TDRD12: variants seen among roughly 807,000 people sequenced by gnomAD.
TDRD12 encodes the protein tudor domain containing 12, also known as putative ATP-dependent RNA helicase TDRD12.
A neutral mutation model predicts 133.5 loss-of-function variants in TDRD12; 158 were observed. That is an observed-to-expected ratio of 1.18 (90% CI 1.04 to 1.35). The LOEUF (loss-of-function observed/expected upper bound fraction) is 1.35, where lower values mean the gene tolerates loss of function less well. Among genes scored for constraint, TDRD12 ranks in the 40% most tolerant of loss-of-function variants. The pLI is 0.00. For synonymous variants in TDRD12, 460 were observed against 477.9 expected (o/e 0.96, Z 0.49); for missense variants, 1,443 against 1,321.3 (o/e 1.09, Z -1.43).
intron 11 of TDRD12, among the ~76,000 whole-genome samples, chr19:32,785,532 G>A (rs1408214181): frequency 4.6e-5 from 7 of 152,184 alleles, no homozygotes; most frequent in Non-Finnish European, 8.8e-5. Flanking sequence ...TTTCTGTCTC[G>A]TTGATCTGTC....
At chr19:32,793,982 C>T (rs1169050585) in intron 13 of TDRD12, among the ~76,000 whole-genome samples, 4 of 149,762 alleles carry the variant, frequency 2.7e-5, no homozygotes, top group Non-Finnish European at 5.9e-5. Flanking sequence ...TTAGTAGAGA[C>T]GGGGTTTCTG....
intron 8 of TDRD12, among the ~76,000 whole-genome samples, chr19:32,761,239 C>T (rs1242379716): frequency 6.6e-6 from 1 of 152,206 alleles, no homozygotes; most frequent in Non-Finnish European, 1.5e-5. Context: ...CCTCAGCCTC[C>T]CAAGTAGCTG....
At chr19:32,739,099 A>G (rs887916775) in intron 3 of TDRD12, 107 bp downstream of exon 3, 2 of 1,336,374 alleles carry the variant, frequency 1.5e-6, no homozygotes, top group Non-Finnish European at 2.0e-6. Context: ...ACACTGAGAA[A>G]AGACAAAACT....
exon 3 of TDRD12, chr19:32,738,982 A>G: frequency 1.3e-6 from 2 of 1,550,544 alleles, no homozygotes; most frequent in Non-Finnish European, 1.7e-6. Context: ...CATTCCAGTC[A>G]AATCTAAAAA....
chr19:32,790,770 TC>T lies in TDRD12; in HGVS notation c.1182+181del, dbSNP rs1414195257. On this transcript the variant is annotated intron_variant, in intron 12 of 27. Coordinates refer to ENST00000444215, the Ensembl canonical transcript of TDRD12. ...TGGATTGTTGCTTCTGAGAAATTGT[TC>T]CTTGTTTTTTGGATAATAAACGATC... The T allele has an allele frequency of 6.6e-6, 10 of 1,508,866 alleles. No individual in the cohort carries two copies. In the African/African-American group the frequency reaches 7.1e-5, roughly 11 times the overall value. The allele number at this position is 1,508,866 out of a possible 1,614,324, so 93.5% of individuals were successfully genotyped here.
chr19:32,821,727 A>C (rs73580048), downstream of TDRD12, among the ~76,000 whole-genome samples: 1,071 of 152,278 alleles, frequency 7.0e-3, 19 homozygotes, highest in African/African-American at 0.025. Context: ...TGTGTGTGAA[A>C]TTAATCTGTA....
chr19:32,789,622 ATATTC>A (rs1430066525), intron 11 of TDRD12, among the ~76,000 whole-genome samples: 19 of 152,314 alleles, frequency 1.2e-4, no homozygotes, highest in African/African-American at 4.6e-4. Context: ...TGACTGACTT[ATATTC>A]CATTGCGTGC....
intron 11 of TDRD12, among the ~76,000 whole-genome samples, chr19:32,784,180 T>G (rs1039817321): frequency 6.6e-6 from 1 of 152,208 alleles, no homozygotes; most frequent in African/African-American, 2.4e-5. Flanking sequence ...ACCTAGTTTA[T>G]TGAGAGTTTT....
chr19:32,790,685 G>C, intron 12 of TDRD12, 94 bp downstream of exon 12: 1 of 1,551,468 alleles, frequency 6.4e-7, no homozygotes. Context: ...CTTGAGATTA[G>C]AAGAGAAACT....
At chr19:32,819,100 C>G (rs1356334351) in intron 27 of TDRD12, among the ~76,000 whole-genome samples, 1 of 151,998 alleles carries the variant, frequency 6.6e-6, no homozygotes, top group Non-Finnish European at 1.5e-5. Context: ...GAGGATTGCT[C>G]AAGCTCAGGA....
chr19:32,807,518 C>A, intron 21 of TDRD12, 31 bp from the exon 22 acceptor site: 1 of 1,397,672 alleles, frequency 7.2e-7, no homozygotes, highest in Non-Finnish European at 9.5e-7. Flanking sequence ...TTATTACTTA[C>A]TTATGATAAG....
intron 8 of TDRD12, among the ~76,000 whole-genome samples, chr19:32,761,834 C>T (rs575142664): frequency 6.6e-5 from 10 of 151,814 alleles, no homozygotes; most frequent in East Asian, 2.0e-4. Flanking sequence ...TACAGGTGCC[C>T]GCCACCATGC....
chr19:32,760,993 G>T (rs549149971), intron 8 of TDRD12, among the ~76,000 whole-genome samples: 2 of 152,222 alleles, frequency 1.3e-5, no homozygotes, highest in Non-Finnish European at 2.9e-5. Flanking sequence ...AATCATCAGA[G>T]TGTGAAGATT....
At chr19:32,727,701 C>T (rs958141493) in intron 1 of TDRD12, among the ~76,000 whole-genome samples, 1 of 152,108 alleles carries the variant, frequency 6.6e-6, no homozygotes, top group Non-Finnish European at 1.5e-5. Context: ...CAGAGTCTCA[C>T]TCTGTTACCC....
chr19:32,745,252 C>T (rs921711527), intron 4 of TDRD12, among the ~76,000 whole-genome samples: 4 of 152,236 alleles, frequency 2.6e-5, no homozygotes, highest in Admixed American at 2.0e-4. Flanking sequence ...TTGACCTTCT[C>T]TGCATGGGCT....
intron 13 of TDRD12, among the ~76,000 whole-genome samples, chr19:32,792,781 G>A (rs1417103295): frequency 1.3e-5 from 2 of 152,192 alleles, no homozygotes; most frequent in African/African-American, 2.4e-5. Flanking sequence ...TAAGTTGAGG[G>A]AATCTAAAGA....
chr19:32,811,228 G>C, exon 24 of TDRD12: 1 of 1,536,048 alleles, frequency 6.5e-7, no homozygotes, highest in East Asian at 2.4e-5. Context: ...TGTTGGAAGT[G>C]AACCAAAAAG....
intron 4 of TDRD12, among the ~76,000 whole-genome samples, chr19:32,743,752 G>A (rs1316940266): frequency 1.3e-5 from 2 of 152,132 alleles, no homozygotes; most frequent in African/African-American, 4.8e-5. Context: ...GTTGAGGCCA[G>A]GCGCGGTGGC....
rs1203538295 is a variant in TDRD12, at chr19:32,826,458, G to A, written c.910G>A (p.Asp304Asn). ...TTATAAACCCAGTGCTTGGGTGGGA[G>A]ACAAATTTTACCTGGCTGATCTGGA... Residue 304 changes from aspartate (D) to asparagine (N), a missense_variant, in exon 9 of 10, where the codon GAC becomes AAC. Coordinates refer to the TDRD12 transcript ENST00000637289. 3.2e-6 allele frequency: 4 copies of A among 1,247,864 alleles called. No homozygotes were observed. In the African/African-American group the frequency reaches 4.6e-5, roughly 14 times the overall value. The allele number at this position is 1,247,864 out of a possible 1,614,324, so 77.3% of individuals were successfully genotyped here.
Sources: gnomAD v4.1 joint callset for allele counts (sites outside exome capture counted in the v4.1 genomes callset) on GRCh38, gnomAD v4.1.1 for gene constraint, MANE v1.5 for transcripts, NCBI Gene and HGNC (gene_info 2026-07-23, HGNC 2026-07-21) for gene names.